Variants in NCKAP5 observed in about 807,000 individuals in gnomAD.
The protein encoded by NCKAP5 is NCK associated protein 5.
A neutral mutation model predicts 167.0 loss-of-function variants in NCKAP5; 92 were observed. The observed-to-expected ratio is 0.55, with a 90% CI of 0.47 to 0.66. The LOEUF is 0.66. Ranked by LOEUF, NCKAP5 falls within the 30% of genes least tolerant of loss-of-function variation. NCKAP5 has a pLI of 0.00. For missense variants in NCKAP5, 2,378 were observed against 2,315.0 expected, an observed-to-expected ratio of 1.03 and a Z score of -0.56; for synonymous variants, 891 against 877.4, an observed-to-expected ratio of 1.02 and a Z score of -0.27.
intron 4 of NCKAP5, among the ~76,000 whole-genome samples, chr2:133,241,001 GT>G (rs1483696795): frequency 6.6e-6 from 1 of 152,098 alleles, no homozygotes; most frequent in Non-Finnish European, 1.5e-5. Context: ...GAGTTTCCAA[GT>G]TTTCTTACCT....
intron 8 of NCKAP5, among the ~76,000 whole-genome samples, chr2:132,879,599 T>C (rs1032862855): frequency 1.3e-5 from 2 of 152,224 alleles, no homozygotes; most frequent in Non-Finnish European, 2.9e-5. Flanking sequence ...CGTGAAATGC[T>C]GATATGAAGC....
At chr2:132,919,042 T>C (rs1418163042) in intron 8 of NCKAP5, among the ~76,000 whole-genome samples, 1 of 152,254 alleles carries the variant, frequency 6.6e-6, no homozygotes, top group Non-Finnish European at 1.5e-5. Context: ...TTTCATTTCA[T>C]GGACCTACAA....
chr2:133,401,985 C>G (rs1481321662), intron 3 of NCKAP5, among the ~76,000 whole-genome samples: 1 of 152,162 alleles, frequency 6.6e-6, no homozygotes, highest in Non-Finnish European at 1.5e-5. Flanking sequence ...AGATTCAGCT[C>G]AAGGGATGAG....
At chr2:133,308,819 T>C (rs891489389) in intron 3 of NCKAP5, among the ~76,000 whole-genome samples, 3 of 143,504 alleles carry the variant, frequency 2.1e-5, no homozygotes. Flanking sequence ...CACGCCATTC[T>C]CCTGCCTCAG....
chr2:133,536,291 T>C (rs996260253), intron 2 of NCKAP5, among the ~76,000 whole-genome samples: 6 of 152,176 alleles, frequency 3.9e-5, no homozygotes, highest in African/African-American at 1.4e-4. Flanking sequence ...AAATCTTTAA[T>C]CCATCTTGAG....
chr2:133,196,092 C>T (rs1004495663), intron 5 of NCKAP5, among the ~76,000 whole-genome samples: 1 of 152,062 alleles, frequency 6.6e-6, no homozygotes, highest in African/African-American at 2.4e-5. Context: ...TAACGTTTTA[C>T]AAAAATATAA....
intron 6 of NCKAP5, among the ~76,000 whole-genome samples, chr2:133,088,575 A>C (rs899323609): frequency 6.6e-6 from 1 of 152,094 alleles, no homozygotes; most frequent in Non-Finnish European, 1.5e-5. Flanking sequence ...TGTGTCATAT[A>C]ATTTATGGTA....
At chr2:132,957,670 A>T (rs1224252877) in intron 8 of NCKAP5, among the ~76,000 whole-genome samples, 2 of 152,116 alleles carry the variant, frequency 1.3e-5, no homozygotes, top group African/African-American at 4.8e-5. Flanking sequence ...GAAACCAGAA[A>T]GCTAGACATA....
At chr2:133,468,918 T>C (rs982927907) in intron 3 of NCKAP5, among the ~76,000 whole-genome samples, 1 of 152,216 alleles carries the variant, frequency 6.6e-6, no homozygotes, top group Non-Finnish European at 1.5e-5. Context: ...GAACGTAAGA[T>C]GGGTTTCCTG....
the NCKAP5 span, among the ~76,000 whole-genome samples, chr2:133,614,954 G>C: frequency 6.6e-6 from 1 of 152,192 alleles, no homozygotes; most frequent in Non-Finnish European, 1.5e-5. Flanking sequence ...GGATCTCTCA[G>C]CAGAAACTCC....
intron 3 of NCKAP5, among the ~76,000 whole-genome samples, chr2:133,335,823 T>C (rs1015088614): frequency 3.3e-5 from 5 of 152,196 alleles, no homozygotes; most frequent in African/African-American, 4.8e-5. Context: ...TATTTTCTAG[T>C]TCAGTTCCAA....
At chr2:133,498,972 C>A (rs1416926075) in intron 3 of NCKAP5, among the ~76,000 whole-genome samples, 1 of 152,216 alleles carries the variant, frequency 6.6e-6, no homozygotes, top group African/African-American at 2.4e-5. Flanking sequence ...CCTGGGTTGG[C>A]GACCTCCTGA....
chr2:132,937,277 C>T lies in NCKAP5; in HGVS notation c.579+26443G>A, dbSNP rs189721489. On this transcript the variant is annotated intron_variant, in intron 8 of 19. Coordinates refer to ENST00000409261, the MANE Select transcript of NCKAP5 (RefSeq NM_207363.3). Reference sequence around the variant, plus strand: ...GTAAAGGGATCTGAGGGAATATGCACGGAACAACGACCGCATTTGCTGGAG... The same window carrying T: ...GTAAAGGGATCTGAGGGAATATGCATGGAACAACGACCGCATTTGCTGGAG... 8.9e-4 allele frequency among the ~76,000 whole-genome samples: 135 copies of T among 152,212 alleles called. 1 individual carries two copies. The highest frequency in any genetic ancestry group is 3.3e-4 in the Admixed American group (5 of 15,268).
At chr2:132,801,215 C>T (rs755653894) in intron 11 of NCKAP5, among the ~76,000 whole-genome samples, 6 of 151,826 alleles carry the variant, frequency 4.0e-5, no homozygotes, top group Non-Finnish European at 7.4e-5. Flanking sequence ...CTTTAATTCT[C>T]AATTGGAAGA....
chr2:133,003,964 G>C (rs921043739), intron 6 of NCKAP5, among the ~76,000 whole-genome samples: 1 of 152,224 alleles, frequency 6.6e-6, no homozygotes, highest in Non-Finnish European at 1.5e-5. Context: ...CAGGGAAGCA[G>C]AGATGGGCAC....
chr2:132,976,216 G>A (rs1047483862), intron 7 of NCKAP5, among the ~76,000 whole-genome samples: 1 of 152,102 alleles, frequency 6.6e-6, no homozygotes, highest in Non-Finnish European at 1.5e-5. Flanking sequence ...CACTTAGTAA[G>A]GGTTTGGGTG....
At chr2:133,101,326 T>C (rs1267982354) in intron 6 of NCKAP5, among the ~76,000 whole-genome samples, 6 of 140,786 alleles carry the variant, frequency 4.3e-5, no homozygotes, top group Non-Finnish European at 7.5e-5. Flanking sequence ...TAGTTTGAAG[T>C]CAGGTAGTGC....
intron 4 of NCKAP5, among the ~76,000 whole-genome samples, chr2:133,238,720 T>A (rs553523703): frequency 1.9e-4 from 29 of 152,282 alleles, no homozygotes; most frequent in Admixed American, 6.5e-4. Context: ...ATCTCACTCT[T>A]CTCTAGACAA....
intron 16 of NCKAP5, among the ~76,000 whole-genome samples, chr2:132,742,096 G>T (rs1307313327): frequency 2.0e-5 from 3 of 151,970 alleles, no homozygotes; most frequent in African/African-American, 7.2e-5. Context: ...ATCTACTCAT[G>T]CCCATAGGTT....
Sources: gnomAD v4.1 joint callset for allele counts (sites outside exome capture counted in the v4.1 genomes callset) on GRCh38, gnomAD v4.1.1 for gene constraint, MANE v1.5 for transcripts, NCBI Gene and HGNC (gene_info 2026-07-23, HGNC 2026-07-21) for gene names.